The following HRH1 variants were observed in gnomAD, a reference collection of about 807,000 sequenced individuals.
The protein encoded by HRH1 is histamine receptor H1.
Under a neutral mutation model 10.3 loss-of-function variants are expected in HRH1, and 6 were observed. That is an observed-to-expected ratio of 0.58 (90% CI 0.32 to 1.15). The LOEUF is 1.15. Among genes scored for constraint, HRH1 ranks in the 50% most tolerant of loss-of-function variants. The pLI is 0.05. For synonymous variants in HRH1, 242 were observed against 236.7 expected (o/e 1.02, Z -0.21); for missense variants, 514 against 615.3 (o/e 0.84, Z 1.74).
intron 1 of HRH1, among the ~76,000 whole-genome samples, chr3:11,190,808 T>C (rs930832358): frequency 1.3e-5 from 2 of 152,164 alleles, no homozygotes; most frequent in African/African-American, 4.8e-5. Context: ...CCTGCTCACG[T>C]TGAGCAGCCA....
At chr3:11,219,957 T>TG (rs1270586256) in intron 1 of HRH1, among the ~76,000 whole-genome samples, 3 of 150,680 alleles carry the variant, frequency 2.0e-5, no homozygotes, top group South Asian at 2.1e-4. Context: ...GTTGTTTTTT[T>TG]TTTTTTTTTT....
At chr3:11,239,702 C>T (rs1939283819) in intron 1 of HRH1, among the ~76,000 whole-genome samples, 1 of 152,054 alleles carries the variant, frequency 6.6e-6, no homozygotes, top group African/African-American at 2.4e-5. Context: ...TGGTAGATCT[C>T]GGTTGTTCCA....
At chr3:11,220,249 A>G (rs978497050) in intron 1 of HRH1, among the ~76,000 whole-genome samples, 3 of 152,178 alleles carry the variant, frequency 2.0e-5, no homozygotes, top group African/African-American at 7.2e-5. Flanking sequence ...TCGTTCCAAA[A>G]AGAATTGGAC....
intron 1 of HRH1, among the ~76,000 whole-genome samples, chr3:11,257,415 C>A (rs548092584): frequency 2.6e-5 from 4 of 151,804 alleles, no homozygotes; most frequent in African/African-American, 9.7e-5. Context: ...AAAAAAATAG[C>A]CGGGTGTGGT....
intron 1 of HRH1, among the ~76,000 whole-genome samples, chr3:11,221,657 A>G (rs1008578200): frequency 4.6e-5 from 7 of 152,048 alleles, no homozygotes; most frequent in African/African-American, 1.7e-4. Flanking sequence ...CCATGCAATC[A>G]TGTGCCCATC....
intron 1 of HRH1, among the ~76,000 whole-genome samples, chr3:11,174,334 A>C (rs1937209687): frequency 2.0e-5 from 3 of 152,172 alleles, no homozygotes; most frequent in Admixed American, 2.0e-4. Flanking sequence ...GGCAGGAGGT[A>C]TGAGGAGATA....
chr3:11,202,052 G>A (rs541412459), intron 1 of HRH1, among the ~76,000 whole-genome samples: 19 of 152,218 alleles, frequency 1.2e-4, no homozygotes, highest in South Asian at 1.2e-3. Context: ...TAATACATAC[G>A]GTTGAGTTTT....
At chr3:11,243,757 A>G (rs1939408381) in intron 1 of HRH1, among the ~76,000 whole-genome samples, 2 of 152,112 alleles carry the variant, frequency 1.3e-5, no homozygotes, top group South Asian at 2.1e-4. Flanking sequence ...CCTGGCTTGC[A>G]TATCACTTCT....
intron 1 of HRH1, among the ~76,000 whole-genome samples, chr3:11,212,151 A>G (rs1410880348): frequency 1.3e-5 from 2 of 152,200 alleles, no homozygotes; most frequent in Admixed American, 6.5e-5. Context: ...CTTTTGCCTC[A>G]TAGAATTGCG....
chr3:11,183,606 G>T (rs1001851185), intron 1 of HRH1, among the ~76,000 whole-genome samples: 1 of 152,202 alleles, frequency 6.6e-6, no homozygotes, highest in African/African-American at 2.4e-5. Flanking sequence ...CCCTGCCGGG[G>T]CGGCGGCATG....
At chr3:11,167,786 T>A (rs1937075928) in intron 1 of HRH1, among the ~76,000 whole-genome samples, 1 of 152,216 alleles carries the variant, frequency 6.6e-6, no homozygotes, top group South Asian at 2.1e-4. Context: ...TCATGGGTAG[T>A]CATGACATCA....
At chr3:11,171,515 A>C (rs1324538380) in intron 1 of HRH1, among the ~76,000 whole-genome samples, 1 of 152,148 alleles carries the variant, frequency 6.6e-6, no homozygotes, top group African/African-American at 2.4e-5. Flanking sequence ...TTTTTTAAGA[A>C]ATGCAGAGTC....
intron 1 of HRH1, among the ~76,000 whole-genome samples, chr3:11,238,729 C>CT (rs1939254978): frequency 2.0e-5 from 3 of 152,240 alleles, no homozygotes; most frequent in African/African-American, 7.2e-5. Flanking sequence ...AATCTATTCT[C>CT]TGTCTCTATA....
rs1012275335 is a variant in HRH1 at position 11,154,746 on chromosome 3, C to T, written c.-36+192C>T. Among the ~76,000 whole-genome samples the T allele has an allele frequency of 6.6e-6, 1 of 152,038 alleles. No homozygotes were observed. Among genetic ancestry groups the T allele is most frequent in the Non-Finnish European group, 1.5e-5 (1 of 67,984 alleles). ...CTGGGGAGGGTGGCGGAGGGCGGCT[C>T]GCTCGGTGGCACCGCTCCCCTCTCC... is the stretch of plus-strand genomic sequence containing the variant. On this transcript the variant is annotated intron_variant, in intron 1 of 1. Coordinates refer to ENST00000431010, the MANE Select transcript of HRH1 (RefSeq NM_001098212.2). This position sits in a 1 kb window ranked among gnomAD's most constrained non-coding sequence, Gnocchi z 4.4.
intron 1 of HRH1, among the ~76,000 whole-genome samples, chr3:11,144,618 G>T (rs1439514596): frequency 1.3e-5 from 2 of 151,604 alleles, no homozygotes; most frequent in Non-Finnish European, 2.9e-5. Context: ...ACAGCCCAGA[G>T]ATGGGGTCAT....
chr3:11,196,906 G>A (rs147900959), intron 1 of HRH1, among the ~76,000 whole-genome samples: 6,119 of 143,524 alleles, frequency 0.043, 163 homozygotes, highest in African/African-American at 0.078. Context: ...TCGGGAGATC[G>A]AGACCATCCT....
At chr3:11,223,088 G>A (rs146105870) in intron 1 of HRH1, among the ~76,000 whole-genome samples, 11 of 149,762 alleles carry the variant, frequency 7.3e-5, no homozygotes, top group African/African-American at 2.2e-4. Context: ...AGGAAGCTGC[G>A]GCAGGAGAAT....
At chr3:11,252,815 C>T (rs200065834) in intron 1 of HRH1, 65 of 152,252 alleles carry the variant, frequency 4.3e-4, no homozygotes, top group African/African-American at 1.5e-3. Context: ...ATTGCTTTCT[C>T]TTTACTACTT....
chr3:11,261,095 T>C lies in HRH1; in HGVS notation c.*594T>C, dbSNP rs573832025. 1 of 167,264 alleles carries C rather than the reference T, an allele frequency of 6.0e-6. No homozygotes were observed. The highest frequency in any genetic ancestry group is 1.5e-5 in the Non-Finnish European group (1 of 68,174). The allele number at this position is 167,264 out of a possible 1,614,324, so 10.4% of individuals were successfully genotyped here. A position where few individuals can be genotyped will look rare whatever the true frequency, so the allele number is the denominator to read the frequency against. ...CTCTTCTGAGCCTCTTTAACAGCTT[T>C]CTCCAGAACCAGTGTCTGAACCACC... On this transcript the variant is annotated 3_prime_UTR_variant, in exon 2 of 2. Coordinates refer to ENST00000431010, the MANE Select transcript of HRH1 (RefSeq NM_001098212.2).
Sources: gnomAD v4.1 joint callset for allele counts (sites outside exome capture counted in the v4.1 genomes callset) on GRCh38, gnomAD v4.1.1 for gene constraint, Gnocchi (gnomAD v3.1) non-coding constraint, MANE v1.5 for transcripts, NCBI Gene and HGNC (gene_info 2026-07-23, HGNC 2026-07-21) for gene names.